The following LRRTM4 variants were observed in gnomAD, a reference collection of about 807,000 sequenced individuals.
The protein encoded by LRRTM4 is leucine rich repeat transmembrane neuronal 4, also known as leucine-rich repeat transmembrane neuronal protein 4.
A neutral mutation model predicts 47.6 loss-of-function variants in LRRTM4; 25 were observed. The observed-to-expected ratio is 0.53, with a 90% CI of 0.38 to 0.73. The LOEUF (loss-of-function observed/expected upper bound fraction) is 0.73. Among genes scored for constraint, LRRTM4 ranks in the 30% least tolerant of loss-of-function variants. The probability of loss-of-function intolerance (pLI) is 0.00; values close to 1 mark genes in which losing one functional copy is unlikely to be tolerated. For missense variants in LRRTM4, 638 were observed against 713.4 expected (o/e 0.89, Z 1.20); for synonymous variants, 311 against 269.5 (o/e 1.15, Z -1.51).
chr2:77,362,323 T>G lies in LRRTM4; in HGVS notation c.1551+155995A>C, dbSNP rs1308823034. 3.9e-5 allele frequency among the ~76,000 whole-genome samples: 6 copies of G among 152,108 alleles called. No individual in the cohort carries two copies. The East Asian group carries it at 1.2e-3, about 29-fold the overall frequency. On this transcript the variant is annotated intron_variant, in intron 3 of 3. Transcript: ENST00000409884. ...TCATTATTTCTTGGACAGAAGAAGT[T>G]CTAGTATATGAGACTGGTGTGCCTA... is the stretch of plus-strand genomic sequence containing the variant.
At chr2:76,795,579 G>A (rs1214658568) in intron 3 of LRRTM4, among the ~76,000 whole-genome samples, 1 of 91,936 alleles carries the variant, frequency 1.1e-5, no homozygotes, top group Non-Finnish European at 2.0e-5. Context: ...GCATATATAT[G>A]CACACACACA....
At chr2:77,424,905 T>A (rs2103890383) in intron 3 of LRRTM4, among the ~76,000 whole-genome samples, 1 of 152,278 alleles carries the variant, frequency 6.6e-6, no homozygotes, top group Non-Finnish European at 1.5e-5. Context: ...TTTATTAAAA[T>A]TTCTCAGAGC....
intron 3 of LRRTM4, among the ~76,000 whole-genome samples, chr2:76,779,855 C>T (rs1174068054): frequency 6.6e-6 from 1 of 152,012 alleles, no homozygotes; most frequent in Non-Finnish European, 1.5e-5. Context: ...TCTTCCTAGT[C>T]TTGATGGTCT....
At chr2:77,522,044 G>A (rs1356996756) in intron 1 of LRRTM4, 65 bp downstream of exon 1, 8 of 712,206 alleles carry the variant, frequency 1.1e-5, no homozygotes, top group Non-Finnish European at 2.1e-5. Context: ...AAGAGCTACA[G>A]CCCATCTCGG....
At chr2:76,864,737 T>C (rs943615826) in intron 3 of LRRTM4, among the ~76,000 whole-genome samples, 1 of 151,882 alleles carries the variant, frequency 6.6e-6, no homozygotes, top group Admixed American at 6.6e-5. Flanking sequence ...CCTTTCTTTT[T>C]TAAGACAAGG....
At chr2:76,836,732 G>C (rs1004772085) in intron 3 of LRRTM4, among the ~76,000 whole-genome samples, 1 of 151,988 alleles carries the variant, frequency 6.6e-6, no homozygotes, top group Non-Finnish European at 1.5e-5. Flanking sequence ...TAGCACAGCT[G>C]GGATTTCTAT....
chr2:77,386,905 T>C, intron 3 of LRRTM4, among the ~76,000 whole-genome samples: 1 of 152,138 alleles, frequency 6.6e-6, no homozygotes, highest in East Asian at 1.9e-4. Flanking sequence ...TATACCTATG[T>C]AACGAAACAC....
At chr2:77,497,029 T>C (rs1186265717) in intron 3 of LRRTM4, among the ~76,000 whole-genome samples, 2 of 151,746 alleles carry the variant, frequency 1.3e-5, no homozygotes, top group Non-Finnish European at 3.0e-5. Flanking sequence ...TTTTGATAGC[T>C]TATGTATCTG....
At chr2:77,102,536 C>T (rs1022389216) in intron 3 of LRRTM4, among the ~76,000 whole-genome samples, 7 of 152,156 alleles carry the variant, frequency 4.6e-5, no homozygotes, top group African/African-American at 1.7e-4. Flanking sequence ...GGGGAATATT[C>T]CCACGTATTT....
intron 3 of LRRTM4, among the ~76,000 whole-genome samples, chr2:77,158,787 T>G (rs1055766821): frequency 6.7e-6 from 1 of 150,324 alleles, no homozygotes; most frequent in Non-Finnish European, 1.5e-5. Flanking sequence ...GCTTTTTTCG[T>G]TTTTTTTTCT....
intron 3 of LRRTM4, among the ~76,000 whole-genome samples, chr2:77,217,543 C>G (rs1674491755): frequency 1.4e-5 from 2 of 146,494 alleles, no homozygotes; most frequent in African/African-American, 5.1e-5. Flanking sequence ...CAGATTACTC[C>G]TCACTTAAGC....
intron 3 of LRRTM4, among the ~76,000 whole-genome samples, chr2:77,252,958 T>A (rs887400573): frequency 2.0e-5 from 3 of 152,130 alleles, no homozygotes; most frequent in Non-Finnish European, 4.4e-5. Context: ...GTTCCATCCC[T>A]GGCTTTTAAA....
At chr2:77,042,642 GTAAAAT>G (rs1679075478) in intron 3 of LRRTM4, among the ~76,000 whole-genome samples, 1 of 146,306 alleles carries the variant, frequency 6.8e-6, no homozygotes, top group African/African-American at 2.6e-5. Context: ...TTTATATAAA[GTAAAAT>G]TAATTTCATG....
chr2:77,283,969 TA>T (rs1401747995), intron 3 of LRRTM4, among the ~76,000 whole-genome samples: 1 of 151,978 alleles, frequency 6.6e-6, no homozygotes, highest in Non-Finnish European at 1.5e-5. Flanking sequence ...CCCCTGAATA[TA>T]AAATAAAAGT....
At chr2:76,973,118 AT>A (rs1303328401) in intron 3 of LRRTM4, among the ~76,000 whole-genome samples, 1 of 151,288 alleles carries the variant, frequency 6.6e-6, no homozygotes, top group African/African-American at 2.4e-5. Context: ...ATATAAATTA[AT>A]TTTTTCGTAA....
intron 3 of LRRTM4, among the ~76,000 whole-genome samples, chr2:77,502,415 T>C (rs1462932506): frequency 6.6e-6 from 1 of 151,508 alleles, no homozygotes; most frequent in African/African-American, 2.4e-5. Context: ...CAAAACTGTA[T>C]ACCGTAAAGT....
intron 3 of LRRTM4, among the ~76,000 whole-genome samples, chr2:77,469,281 C>A (rs1264574049): frequency 1.3e-5 from 2 of 152,212 alleles, no homozygotes; most frequent in African/African-American, 2.4e-5. Context: ...CAGTGGGCAA[C>A]CGCAGCCCAC....
chr2:76,925,132 T>A (rs1159835493), intron 3 of LRRTM4, among the ~76,000 whole-genome samples: 2 of 152,162 alleles, frequency 1.3e-5, no homozygotes, highest in African/African-American at 4.8e-5. Flanking sequence ...ACCAGCTGGC[T>A]TTTTGTTAAT....
At chr2:76,924,852 G>T (rs936872045) in intron 3 of LRRTM4, among the ~76,000 whole-genome samples, 1 of 151,996 alleles carries the variant, frequency 6.6e-6, no homozygotes, top group African/African-American at 2.4e-5. Context: ...TTCATACATT[G>T]TGTTAAAACT....
Sources: gnomAD v4.1 joint callset for allele counts (sites outside exome capture counted in the v4.1 genomes callset) on GRCh38, gnomAD v4.1.1 for gene constraint, MANE v1.5 for transcripts, NCBI Gene and HGNC (gene_info 2026-07-23, HGNC 2026-07-21) for gene names.